The following CDH4 variants were observed in gnomAD, a reference collection of about 807,000 sequenced individuals.
CDH4 encodes cadherin-4.
Under a neutral mutation model 86.0 loss-of-function variants are expected in CDH4, and 33 were observed. The ratio of observed to expected loss-of-function variants is 0.38; its 90% CI spans 0.29 to 0.51. The LOEUF (loss-of-function observed/expected upper bound fraction) is 0.51. Ranked by LOEUF, CDH4 falls within the 20% of genes least tolerant of loss-of-function variation. The pLI, the probability that CDH4 is intolerant of heterozygous loss-of-function variation, is 0.86. For missense variants in CDH4, 1,114 were observed against 1,307.4 expected, an observed-to-expected ratio of 0.85 and a Z score of 2.28; for synonymous variants, 555 against 549.4, an observed-to-expected ratio of 1.01 and a Z score of -0.14.
chr20:61,597,422 A>G (rs2086564865), intron 2 of CDH4, among the ~76,000 whole-genome samples: 1 of 152,080 alleles, frequency 6.6e-6, no homozygotes, highest in Non-Finnish European at 1.5e-5. Context: ...CTCTGCCTGG[A>G]TTTGTTTTCT....
At chr20:61,406,458 G>A (rs2085083329) in intron 2 of CDH4, among the ~76,000 whole-genome samples, 1 of 132,550 alleles carries the variant, frequency 7.5e-6, no homozygotes, top group East Asian at 2.3e-4. Context: ...ACCACCATCT[G>A]CCATCTGCTC....
intron 2 of CDH4, among the ~76,000 whole-genome samples, chr20:61,344,788 C>G (rs960987391): frequency 6.6e-6 from 1 of 152,180 alleles, no homozygotes; most frequent in African/African-American, 2.4e-5. Flanking sequence ...AACACAAGCT[C>G]ATAGACAATG....
intron 4 of CDH4, among the ~76,000 whole-genome samples, chr20:61,822,206 C>T (rs1346047379): frequency 6.6e-6 from 1 of 152,200 alleles, no homozygotes; most frequent in African/African-American, 2.4e-5. Context: ...GTGAGTCCTG[C>T]ATAAAAAACA....
At chr20:61,531,160 A>G (rs181972007) in intron 2 of CDH4, among the ~76,000 whole-genome samples, 1 of 152,122 alleles carries the variant, frequency 6.6e-6, no homozygotes, top group East Asian at 1.9e-4. Flanking sequence ...CTCTTGCCTC[A>G]CTTTTCTTAT....
chr20:61,530,837 G>A (rs1421484895), intron 2 of CDH4, among the ~76,000 whole-genome samples: 2 of 152,112 alleles, frequency 1.3e-5, no homozygotes, highest in Admixed American at 1.3e-4. Context: ...CCAGCCTCTT[G>A]CAGCCTTCTT....
intron 2 of CDH4, among the ~76,000 whole-genome samples, chr20:61,460,384 C>T (rs531366598): frequency 6.6e-6 from 1 of 152,332 alleles, no homozygotes; most frequent in South Asian, 2.1e-4. Context: ...ACCAGCTTCT[C>T]TCAGCTGGGC....
intron 3 of CDH4, among the ~76,000 whole-genome samples, chr20:61,750,073 G>T (rs1176952449): frequency 6.6e-6 from 1 of 151,970 alleles, no homozygotes; most frequent in Non-Finnish European, 1.5e-5. Flanking sequence ...AAAAAGGGCA[G>T]AAAATCAACA....
intron 2 of CDH4, among the ~76,000 whole-genome samples, chr20:61,367,716 A>C (rs1395359082): frequency 2.0e-5 from 3 of 152,206 alleles, no homozygotes; most frequent in Admixed American, 1.3e-4. Context: ...GAAGGGAATC[A>C]TGGAATGAGA....
At chr20:61,832,983 G>A (rs957892613) in intron 4 of CDH4, among the ~76,000 whole-genome samples, 3 of 152,204 alleles carry the variant, frequency 2.0e-5, no homozygotes, top group African/African-American at 7.2e-5. Context: ...AAGCACAGAA[G>A]TGTGAGGCAG....
intron 4 of CDH4, among the ~76,000 whole-genome samples, chr20:61,834,186 C>G (rs564810805): frequency 2.6e-5 from 4 of 152,218 alleles, no homozygotes; most frequent in African/African-American, 9.6e-5. Flanking sequence ...CCAGGGCTGA[C>G]GGCAACCTCC....
intron 2 of CDH4, among the ~76,000 whole-genome samples, chr20:61,650,504 C>T (rs2087109748): frequency 6.6e-6 from 1 of 152,170 alleles, no homozygotes; most frequent in Non-Finnish European, 1.5e-5. Flanking sequence ...CTGTCATTAA[C>T]CGGTGTATCT....
At chr20:61,256,380 T>C (rs1313635092) in intron 2 of CDH4, among the ~76,000 whole-genome samples, 1 of 152,232 alleles carries the variant, frequency 6.6e-6, no homozygotes, top group African/African-American at 2.4e-5. Context: ...TGCCTCTCTT[T>C]TTATTAATAA....
At chr20:61,520,664 C>T (rs535673434) in intron 2 of CDH4, among the ~76,000 whole-genome samples, 12 of 152,234 alleles carry the variant, frequency 7.9e-5, no homozygotes, top group South Asian at 6.2e-4. Context: ...AGCTCAGTGA[C>T]GGTGATGCGG....
At chr20:61,277,426 A>G (rs544752466) in intron 2 of CDH4, among the ~76,000 whole-genome samples, 1 of 152,134 alleles carries the variant, frequency 6.6e-6, no homozygotes, top group South Asian at 2.1e-4. Context: ...AGGGGTGTGT[A>G]TGATGGAAAT....
intron 3 of CDH4, among the ~76,000 whole-genome samples, chr20:61,771,200 G>A (rs893286789): frequency 6.6e-6 from 1 of 151,050 alleles, no homozygotes; most frequent in South Asian, 2.1e-4. Flanking sequence ...AGTAGAGATG[G>A]GGTTTCACCA....
chr20:61,841,777 G>A (rs1297367702), intron 4 of CDH4, among the ~76,000 whole-genome samples: 9 of 152,124 alleles, frequency 5.9e-5, no homozygotes, highest in South Asian at 2.1e-4. Context: ...GCGCGCGTGC[G>A]CGCACCGTGG....
At chr20:61,414,783 G>A (rs772893583) in intron 2 of CDH4, among the ~76,000 whole-genome samples, 1 of 152,206 alleles carries the variant, frequency 6.6e-6, no homozygotes, top group Non-Finnish European at 1.5e-5. Context: ...GACATTGTCT[G>A]AAGTCCTTAG....
At chr20:61,508,923 T>C (rs2085760367) in intron 2 of CDH4, among the ~76,000 whole-genome samples, 1 of 152,216 alleles carries the variant, frequency 6.6e-6, no homozygotes, top group Admixed American at 6.5e-5. Context: ...CCACTCTGCC[T>C]CCACAGCACC....
At chr20:61,758,690 C>T (rs1170621145) in intron 3 of CDH4, among the ~76,000 whole-genome samples, 2 of 152,220 alleles carry the variant, frequency 1.3e-5, no homozygotes, top group Non-Finnish European at 2.9e-5. Context: ...TGAGCCGTGG[C>T]CACTCTAACC....
Sources: gnomAD v4.1 joint callset for allele counts (sites outside exome capture counted in the v4.1 genomes callset) on GRCh38, gnomAD v4.1.1 for gene constraint, MANE v1.5 for transcripts, NCBI Gene and HGNC (gene_info 2026-07-23, HGNC 2026-07-21) for gene names.